The following HMGA2 variants were observed in gnomAD, a reference collection of about 807,000 sequenced individuals.
HMGA2 encodes the protein high mobility group protein HMGI-C.
Under a neutral mutation model 19.1 loss-of-function variants are expected in HMGA2, and 8 were observed. The ratio of observed to expected loss-of-function variants is 0.42; its 90% CI spans 0.25 to 0.76. The LOEUF is 0.76. HMGA2 is among the 30% of genes least tolerant of loss of function. HMGA2 has a pLI of 0.28. For synonymous variants in HMGA2, 60 were observed against 48.8 expected, an observed-to-expected ratio of 1.23 and a Z score of -0.96; for missense variants, 109 against 136.3, an observed-to-expected ratio of 0.80 and a Z score of 1.00.
chr12:65,895,089 A>T (rs1235982706), intron 3 of HMGA2, among the ~76,000 whole-genome samples: 1 of 152,208 alleles, frequency 6.6e-6, no homozygotes, highest in South Asian at 2.1e-4. Flanking sequence ...ACTTTACTAC[A>T]GTTTTGAAAA....
At chr12:65,841,180 C>A (rs1870980779) in intron 3 of HMGA2, among the ~76,000 whole-genome samples, 1 of 152,000 alleles carries the variant, frequency 6.6e-6, no homozygotes, top group Non-Finnish European at 1.5e-5. Context: ...CGGATTCTTG[C>A]TAATTTAGGG....
At position 65,824,713 on chromosome 12, in the gene HMGA2, TTC is replaced by T. The variant is rs60786450; in HGVS notation, c.-503_-502del. On this transcript the variant is annotated 5_prime_UTR_variant, in exon 1 of 5. Coordinates refer to ENST00000403681, the MANE Select transcript of HMGA2 (RefSeq NM_003483.6). Reference sequence around the variant, plus strand: ...CCAAGGCACTTTCAATCTCAATCTCTTCTCTCTCTCTCTCTCTCTCTCTCTCT... The same window carrying T: ...CCAAGGCACTTTCAATCTCAATCTCTTCTCTCTCTCTCTCTCTCTCTCTCT... 21,701 of 142,536 alleles carry T rather than the reference TTC, an allele frequency of 0.15. 1,666 individuals are homozygous for T. Among genetic ancestry groups the T allele is most frequent in the South Asian group, 0.32 (915 of 2,820 alleles). 8.8% of individuals were successfully genotyped at this position (142,536 alleles called of 1,614,324 possible).
chr12:65,933,711 A>G (rs1224097174), intron 3 of HMGA2, among the ~76,000 whole-genome samples: 1 of 152,212 alleles, frequency 6.6e-6, no homozygotes, highest in African/African-American at 2.4e-5. Flanking sequence ...GGAGGTATCC[A>G]TCAAAAATGT....
intron 2 of HMGA2, among the ~76,000 whole-genome samples, chr12:65,830,223 A>G (rs1341902288): frequency 6.6e-6 from 1 of 152,002 alleles, no homozygotes; most frequent in Non-Finnish European, 1.5e-5. Flanking sequence ...CGTTCATGGC[A>G]TGTGTAAACT....
At position 65,835,629 on chromosome 12, in the gene HMGA2, A is replaced by C. The variant is rs1870682819; in HGVS notation, c.199-2890A>C. On this transcript the variant is annotated intron_variant, in intron 2 of 4. Transcript: ENST00000403681. ...TAAATGAGATGCTCATTTAAAAGTC[A>C]TCTTATTTGCAGGGCTTTTTCTGTT... 1.3e-5 allele frequency among the ~76,000 whole-genome samples: 2 copies of C among 152,176 alleles called. 1 individual carries two copies. Among genetic ancestry groups the C allele is most frequent in the Admixed American group, 1.3e-4 (2 of 15,278 alleles).
intron 3 of HMGA2, among the ~76,000 whole-genome samples, chr12:65,910,571 T>C (rs1874801345): frequency 6.6e-6 from 1 of 152,176 alleles, no homozygotes; most frequent in Non-Finnish European, 1.5e-5. Flanking sequence ...CTACATAAGA[T>C]TTTGCTGTTT....
intron 3 of HMGA2, among the ~76,000 whole-genome samples, chr12:65,895,731 T>C (rs1376803672): frequency 6.6e-6 from 1 of 151,872 alleles, no homozygotes; most frequent in African/African-American, 2.4e-5. Context: ...TTGTCCTACA[T>C]AGTCTGCCTA....
At chr12:65,854,485 G>C (rs747986462) in intron 3 of HMGA2, among the ~76,000 whole-genome samples, 1 of 152,076 alleles carries the variant, frequency 6.6e-6, no homozygotes, top group African/African-American at 2.4e-5. Flanking sequence ...CCCCAGTTTC[G>C]CATGTACTTA....
intron 3 of HMGA2, among the ~76,000 whole-genome samples, chr12:65,841,403 A>G (rs1870989759): frequency 6.6e-6 from 1 of 152,204 alleles, no homozygotes; most frequent in African/African-American, 2.4e-5. Context: ...TGTTCTACTG[A>G]GAAGAGGAAA....
At chr12:65,885,839 A>G (rs1394685944) in intron 3 of HMGA2, among the ~76,000 whole-genome samples, 1 of 152,210 alleles carries the variant, frequency 6.6e-6, no homozygotes, top group African/African-American at 2.4e-5. Flanking sequence ...TGAGCTGATG[A>G]TATCAACTAT....
intron 3 of HMGA2, among the ~76,000 whole-genome samples, chr12:65,930,492 C>T (rs1565735760): frequency 6.6e-6 from 1 of 152,190 alleles, no homozygotes; most frequent in Non-Finnish European, 1.5e-5. Context: ...TCAACACATG[C>T]TTTTTGGCTT....
chr12:65,911,221 A>T (rs1234311581), intron 3 of HMGA2, among the ~76,000 whole-genome samples: 1 of 152,226 alleles, frequency 6.6e-6, no homozygotes, highest in African/African-American at 2.4e-5. Flanking sequence ...ATTTTAGAAG[A>T]TGCCTCTAGA....
At chr12:65,941,202 C>A (rs1472163530) in intron 3 of HMGA2, among the ~76,000 whole-genome samples, 6 of 152,076 alleles carry the variant, frequency 3.9e-5, no homozygotes, top group Non-Finnish European at 8.8e-5. Flanking sequence ...ATTCGGAAGA[C>A]AAGACGAATG....
At chr12:65,866,397 CAG>C (rs751049870) in intron 3 of HMGA2, among the ~76,000 whole-genome samples, 2 of 152,258 alleles carry the variant, frequency 1.3e-5, no homozygotes, top group Middle Eastern at 6.8e-3. Context: ...TGCTTTAGAT[CAG>C]AGAGTCTGGG....
intron 3 of HMGA2, among the ~76,000 whole-genome samples, chr12:65,947,492 G>A (rs1876309881): frequency 6.6e-6 from 1 of 152,158 alleles, no homozygotes; most frequent in Non-Finnish European, 1.5e-5. Context: ...TTTGTTCTGG[G>A]AGGAAGCTCT....
chr12:65,851,499 G>A (rs986294622), intron 3 of HMGA2: 16 of 284,220 alleles, frequency 5.6e-5, no homozygotes, highest in African/African-American at 3.7e-4. Flanking sequence ...TGGGTGACAA[G>A]AGCGAAACTC....
Position 65,849,034 on chromosome 12 carries a change from TA to T in HMGA2, c.249+10466del, listed in dbSNP as rs1871345918. The stretch of plus-strand genomic sequence containing the variant: ...ATGGAGGAACATGGACTCATACGAT[TA>T]TGGTTGGTAATGTTCTAGAAAGCAC... On this transcript the variant is annotated intron_variant, in intron 3 of 4. Coordinates refer to ENST00000403681, the MANE Select transcript of HMGA2 (RefSeq NM_003483.6). Among the ~76,000 whole-genome samples the T allele has an allele frequency of 2.6e-5, 4 of 152,300 alleles. No homozygotes were observed. The South Asian group carries it at 8.3e-4, about 32-fold the overall frequency.
rs528046066 is a variant in HMGA2 at position 65,963,279 on chromosome 12, C to G, written c.317C>G (p.Ala106Gly). 3.2e-5 allele frequency: 52 copies of G among 1,613,552 alleles called. No homozygotes were observed. The East Asian group carries it at 1.1e-3, about 35-fold the overall frequency. The part of the protein sequence containing the change: ...ETEETSSQES[A>G]EED ...GAAGAGACATCCTCACAAGAGTCTGCCGAAGAGGACTAGGGGGCGCCAACG... is the reference window on the plus strand; with the variant it reads ...GAAGAGACATCCTCACAAGAGTCTGGCGAAGAGGACTAGGGGGCGCCAACG... The change falls in exon 5 of 5, where the codon GCC becomes GGC. Residue 106 changes from alanine to glycine, a missense_variant. Physicochemically the swap from Ala to Gly is moderately conservative, Grantham distance 60 (BLOSUM62 0). Transcript: ENST00000403681.
intron 3 of HMGA2, among the ~76,000 whole-genome samples, chr12:65,914,148 T>C (rs1874969263): frequency 6.6e-6 from 1 of 152,080 alleles, no homozygotes; most frequent in East Asian, 1.9e-4. Context: ...ACTGGCTATA[T>C]ACCCAAATGA....
Sources: allele counts gnomAD v4.1 joint callset (sites outside exome capture counted in the v4.1 genomes callset), GRCh38; gene constraint gnomAD v4.1.1; transcripts MANE v1.5; gene names NCBI Gene and HGNC (gene_info 2026-07-23, HGNC 2026-07-21).